Variants in SLC44A5 observed in about 807,000 individuals in gnomAD.
The protein encoded by SLC44A5 is solute carrier family 44 member 5.
Under a neutral mutation model 101.8 loss-of-function variants are expected in SLC44A5, and 57 were observed. The ratio of observed to expected loss-of-function variants is 0.56; its 90% confidence interval spans 0.45 to 0.70. The LOEUF (loss-of-function observed/expected upper bound fraction) is 0.70, where lower values mean the gene tolerates loss of function less well. Among genes scored for constraint, SLC44A5 ranks in the 30% least tolerant of loss-of-function variants. The pLI is 0.00. For missense variants in SLC44A5, 737 were observed against 853.1 expected, an observed-to-expected ratio of 0.86 and a Z score of 1.70; for synonymous variants, 281 against 290.9, an observed-to-expected ratio of 0.97 and a Z score of 0.35.
intron 2 of SLC44A5, among the ~76,000 whole-genome samples, chr1:75,430,775 A>T (rs1260266622): frequency 6.6e-6 from 1 of 152,148 alleles, no homozygotes; most frequent in East Asian, 1.9e-4. Flanking sequence ...GTGGTTAGAA[A>T]CTCTGCTGTA....
At chr1:75,258,193 T>C (rs1356048941) in intron 6 of SLC44A5, among the ~76,000 whole-genome samples, 2 of 152,018 alleles carry the variant, frequency 1.3e-5, no homozygotes, top group Admixed American at 6.5e-5. Context: ...GAGACAGAAC[T>C]GTTCACTCCC....
chr1:75,296,696 C>A (rs1653994231), intron 5 of SLC44A5, among the ~76,000 whole-genome samples: 1 of 152,144 alleles, frequency 6.6e-6, no homozygotes, highest in African/African-American at 2.4e-5. Context: ...TTCAAACTCA[C>A]CGACAGCCTC....
chr1:75,229,766 A>G (rs1303651029), intron 12 of SLC44A5, among the ~76,000 whole-genome samples: 2 of 152,196 alleles, frequency 1.3e-5, no homozygotes, highest in East Asian at 1.9e-4. Flanking sequence ...GTTGTACATC[A>G]AGAGTCTAAA....
chr1:75,471,382 AACACACAC>A (rs3058800), intron 2 of SLC44A5, among the ~76,000 whole-genome samples: 7 of 149,212 alleles, frequency 4.7e-5, no homozygotes, highest in Non-Finnish European at 8.9e-5. Flanking sequence ...TGTGCATGAA[AACACACAC>A]ACACACACAC....
intron 2 of SLC44A5, among the ~76,000 whole-genome samples, chr1:75,541,178 A>G (rs1279018502): frequency 1.3e-5 from 2 of 152,186 alleles, no homozygotes; most frequent in African/African-American, 4.8e-5. Context: ...ACATACCCCC[A>G]GCTTGCCATG....
chr1:75,254,978 T>C (rs764657438), intron 6 of SLC44A5, among the ~76,000 whole-genome samples: 4 of 152,190 alleles, frequency 2.6e-5, no homozygotes, highest in Non-Finnish European at 5.9e-5. Flanking sequence ...AATGCCATGC[T>C]GGGCCACGTG....
At chr1:75,539,387 A>T (rs1257664818) in intron 2 of SLC44A5, among the ~76,000 whole-genome samples, 4 of 151,132 alleles carry the variant, frequency 2.6e-5, no homozygotes, top group Admixed American at 1.3e-4. Context: ...ACAGCTTCAC[A>T]GGCAACTTTA....
chr1:75,611,007 CAT>C, intron 1 of SLC44A5, 31 bp downstream of exon 1: 1 of 965,466 alleles, frequency 1.0e-6, no homozygotes, highest in Non-Finnish European at 1.2e-6. Flanking sequence ...TTCCTACAGA[CAT>C]AGACTTCTTG....
chr1:75,290,368 G>T (rs1653439952), intron 5 of SLC44A5, among the ~76,000 whole-genome samples: 1 of 152,186 alleles, frequency 6.6e-6, no homozygotes, highest in Non-Finnish European at 1.5e-5. Flanking sequence ...TAATAAAGAA[G>T]ATATTTATAA....
intron 1 of SLC44A5, among the ~76,000 whole-genome samples, chr1:75,564,333 T>C (rs2102016682): frequency 6.6e-6 from 1 of 152,322 alleles, no homozygotes; most frequent in South Asian, 2.1e-4. Context: ...AGAGCAAATT[T>C]GATTTTCAAG....
intron 2 of SLC44A5, among the ~76,000 whole-genome samples, chr1:75,482,711 G>A (rs1039685512): frequency 6.6e-6 from 1 of 152,074 alleles, no homozygotes; most frequent in African/African-American, 2.4e-5. Context: ...TATTTAACTT[G>A]TATAGCAGAT....
chr1:75,349,112 G>A (rs1217512016), intron 3 of SLC44A5, among the ~76,000 whole-genome samples: 3 of 152,210 alleles, frequency 2.0e-5, no homozygotes, highest in African/African-American at 7.2e-5. Context: ...CACTTTGGGA[G>A]GCCAAGGCGT....
At position 75,239,434 on chromosome 1, in the gene SLC44A5, GCA is replaced by G. The variant is rs376747337; in HGVS notation, c.533-800_533-799del. Among the ~76,000 whole-genome samples the G allele has an allele frequency of 8.9e-3, 1,351 of 151,922 alleles. 33 individuals are homozygous for G. Among genetic ancestry groups the G allele is most frequent in the African/African-American group, 0.031 (1,284 of 41,468 alleles). ...TTCTTATAAGAAGCATCACTGAATT[GCA>G]CAGTTTCATATGTAGTTTAAACCTG... On this transcript the variant is annotated intron_variant, in intron 9 of 23. Coordinates refer to ENST00000370859, the MANE Select transcript of SLC44A5 (RefSeq NM_001130058.2).
At chr1:75,590,397 G>A (rs1674279845) in intron 1 of SLC44A5, among the ~76,000 whole-genome samples, 1 of 152,062 alleles carries the variant, frequency 6.6e-6, no homozygotes, top group Non-Finnish European at 1.5e-5. Flanking sequence ...ATAACCAGTA[G>A]CAATACCCAG....
the SLC44A5 span, among the ~76,000 whole-genome samples, chr1:75,655,108 A>C: frequency 6.6e-6 from 1 of 152,172 alleles, no homozygotes; most frequent in Non-Finnish European, 1.5e-5. Flanking sequence ...AAATTAGCTA[A>C]TGCTTCTGTT....
At chr1:75,426,104 C>CA (rs948953747) in intron 2 of SLC44A5, among the ~76,000 whole-genome samples, 7 of 151,650 alleles carry the variant, frequency 4.6e-5, no homozygotes, top group African/African-American at 1.5e-4. Flanking sequence ...ACATTTCTGC[C>CA]AAAAAAAGAA....
At chr1:75,649,714 C>CT in the SLC44A5 span, among the ~76,000 whole-genome samples, 1 of 152,134 alleles carries the variant, frequency 6.6e-6, no homozygotes, top group East Asian at 1.9e-4. Context: ...ATGTAACTCT[C>CT]TAAGATATAA....
intron 3 of SLC44A5, among the ~76,000 whole-genome samples, chr1:75,360,753 T>C (rs1179201389): frequency 6.6e-6 from 1 of 152,178 alleles, no homozygotes; most frequent in Non-Finnish European, 1.5e-5. Context: ...GCAATGTCTT[T>C]GGCTTTGTTC....
At chr1:75,674,442 C>T in the SLC44A5 span, among the ~76,000 whole-genome samples, 24 of 152,036 alleles carry the variant, frequency 1.6e-4, no homozygotes, top group South Asian at 4.2e-4. Flanking sequence ...TGCAATGGCA[C>T]GATCTCAGCT....
Sources: gnomAD v4.1 joint callset for allele counts (sites outside exome capture counted in the v4.1 genomes callset) on GRCh38, gnomAD v4.1.1 for gene constraint, MANE v1.5 for transcripts, NCBI Gene and HGNC (gene_info 2026-07-23, HGNC 2026-07-21) for gene names.